Variants in PRPF8 observed in about 807,000 individuals in gnomAD.
The protein encoded by PRPF8 is pre-mRNA processing factor 8.
Under a neutral mutation model 285.9 loss-of-function variants are expected in PRPF8, and 64 were observed. The observed-to-expected ratio is 0.22, with a 90% CI of 0.18 to 0.28. The LOEUF (loss-of-function observed/expected upper bound fraction) is 0.28, where lower values mean the gene tolerates loss of function less well. Ranked by LOEUF, PRPF8 falls within the 10% of genes least tolerant of loss-of-function variation. PRPF8 has a pLI of 1.00. For synonymous variants in PRPF8, 1,325 were observed against 1,118.2 expected, an observed-to-expected ratio of 1.18 and a Z score of -3.69; for missense variants, 1,426 against 3,026.7, an observed-to-expected ratio of 0.47 and a Z score of 12.41.
At chr17:1,670,532 G>A (rs941309853) in intron 24 of PRPF8, among the ~76,000 whole-genome samples, 11 of 152,234 alleles carry the variant, frequency 7.2e-5, no homozygotes, top group African/African-American at 2.4e-4. Flanking sequence ...CTGTTGCCAG[G>A]CTGGAGTGCA....
rs1189702205 is a variant in PRPF8 at position 1,661,440 on chromosome 17, G to C, written c.4203-34C>G. The stretch of plus-strand genomic sequence containing the variant: ...AAAAGAAAGATTCAAGTCAAAACGT[G>C]ATCTCATATGAGGAGCTCAGCACTC... On this transcript the variant is annotated intron_variant, in intron 26 of 42. Transcript: ENST00000304992. This position sits in a 1 kb window ranked among gnomAD's most constrained non-coding sequence, Gnocchi z 7.3. The C allele has an allele frequency of 2.5e-6, 4 of 1,613,948 alleles. No individual in the cohort carries two copies. Among genetic ancestry groups the C allele is most frequent in the Non-Finnish European group, 3.4e-6 (4 of 1,180,026 alleles).
chr17:1,679,188 G>A lies in PRPF8; in HGVS notation c.1428C>T (p.Phe476=). 6.2e-7 allele frequency: 1 copy of A among 1,614,226 alleles called. No individual in the cohort carries two copies. The highest frequency in any genetic ancestry group is 8.5e-7 in the Non-Finnish European group (1 of 1,180,046). Reference sequence around the variant, plus strand: ...TGGACTGAAAGAATTTGGTGGCTTTGAAGGAGCGGAACAAATACCTGAGGT... The same window carrying A: ...TGGACTGAAAGAATTTGGTGGCTTTAAAGGAGCGGAACAAATACCTGAGGT... The part of the protein sequence containing the change: ...AQKKRYLFRS[F]KATKFFQSTK... Residue 476 remains phenylalanine (F), a synonymous_variant, in exon 11 of 43, where the codon TTC becomes TTT. Transcript: ENST00000304992. The surrounding 1 kb of genome is among the most constrained non-coding windows in gnomAD (Gnocchi z 4.7).
chr17:1,682,014 T>C lies in PRPF8; in HGVS notation c.459A>G (p.Arg153=). ...TGAAATGCCTCCTATCTCTTTTTTC[T>C]CGGCGCATCATAATCCACATTGACC... The part of the protein sequence containing the change: ...QWGSMWIMMR[R]EKRDRRHFKR... Residue 153 remains arginine (R), a synonymous_variant, in exon 5 of 43, where the codon CGA becomes CGG. Coordinates refer to ENST00000304992, the MANE Select transcript of PRPF8 (RefSeq NM_006445.4). The C allele has an allele frequency of 3.1e-6, 5 of 1,613,976 alleles. No homozygotes were observed. Among genetic ancestry groups the C allele is most frequent in the Non-Finnish European group, 4.2e-6 (5 of 1,180,008 alleles).
In PRPF8 at chr17:1,658,508, A is replaced by G. The variant is rs1911513668; in HGVS notation, c.5376+18T>C. 6.2e-7 allele frequency: 1 copy of G among 1,612,184 alleles called. No homozygotes were observed. The highest frequency in any genetic ancestry group is 8.5e-7 in the Non-Finnish European group (1 of 1,178,272). On this transcript the variant is annotated intron_variant, in intron 33 of 42. Coordinates refer to ENST00000304992, the MANE Select transcript of PRPF8 (RefSeq NM_006445.4). The surrounding 1 kb of genome is among the most constrained non-coding windows in gnomAD (Gnocchi z 4.1). ...CATGTACAGAGTCCCGCACCTATAC[A>G]CTGCTGCTAACACTCACCTTGTGAA...
At chr17:1,674,865 G>A (rs530724066) in intron 20 of PRPF8, among the ~76,000 whole-genome samples, 185 bp from the exon 21 acceptor site, 7 of 152,062 alleles carry the variant, frequency 4.6e-5, no homozygotes, top group East Asian at 3.9e-4. Context: ...TCCACTTCCC[G>A]GGTTCAAGTG....
intron 30 of PRPF8, 79 bp from the exon 31 acceptor site, chr17:1,660,080 G>C (rs1911597436): frequency 1.4e-6 from 2 of 1,468,216 alleles, no homozygotes; most frequent in Admixed American, 3.3e-5. Flanking sequence ...AGATAATGAG[G>C]CAATAGGAGT....
In PRPF8 at chr17:1,675,361, C is replaced by T; in HGVS notation, c.2873-22G>A. 1.2e-6 allele frequency: 2 copies of T among 1,613,756 alleles called. No homozygotes were observed. Among genetic ancestry groups the T allele is most frequent in the Non-Finnish European group, 1.7e-6 (2 of 1,179,820 alleles). ...ATGCCTGAGGAGTAGCAAGGCAGGTCTCCAGCAGGTTAGAAATCCTCTTGC... is the reference window on the plus strand; with the variant it reads ...ATGCCTGAGGAGTAGCAAGGCAGGTTTCCAGCAGGTTAGAAATCCTCTTGC... On this transcript the variant is annotated intron_variant, in intron 19 of 42. Coordinates refer to ENST00000304992, the MANE Select transcript of PRPF8 (RefSeq NM_006445.4). The surrounding 1 kb of genome is among the most constrained non-coding windows in gnomAD (Gnocchi z 6.0).
Position 1,684,586 on chromosome 17 carries a change from G to C in PRPF8, c.-11-4C>G. ...ACTCCGGCCATATCCGGAGAATCTG[G>C]GGAGCGGCGGGATAGAAAAATTCAC... On this transcript the variant is annotated splice_polypyrimidine_tract_variant and splice_region_variant and intron_variant, in intron 1 of 42. Coordinates refer to ENST00000304992, the MANE Select transcript of PRPF8 (RefSeq NM_006445.4). 2 of 1,611,890 alleles carry C rather than the reference G, an allele frequency of 1.2e-6. No individual in the cohort carries two copies. The highest frequency in any genetic ancestry group is 1.7e-6 in the Non-Finnish European group (2 of 1,179,558).
Position 1,679,554 on chromosome 17 carries a change from G to T in PRPF8, c.1289+55C>A. 1.2e-6 allele frequency: 2 copies of T among 1,604,918 alleles called. No homozygotes were observed. The stretch of plus-strand genomic sequence containing the variant: ...AAGGCTACATGCCCACCTAGTTGGA[G>T]TCTTTTCTCCTACACATCCACTATC... On this transcript the variant is annotated intron_variant, in intron 9 of 42. Coordinates refer to ENST00000304992, the MANE Select transcript of PRPF8 (RefSeq NM_006445.4). This position sits in a 1 kb window ranked among gnomAD's most constrained non-coding sequence, Gnocchi z 4.7.
chr17:1,674,346 A>G, intron 21 of PRPF8, 96 bp downstream of exon 21: 1 of 1,278,044 alleles, frequency 7.8e-7, no homozygotes, highest in Non-Finnish European at 1.1e-6. Context: ...TAAAGCCCCA[A>G]CAGCAGTTAA....
chr17:1,667,172 CA>C (rs59519986), intron 24 of PRPF8, among the ~76,000 whole-genome samples: 27,796 of 144,090 alleles, frequency 0.19, 5,358 homozygotes, highest in African/African-American at 0.5. Flanking sequence ...GACTCCCTCT[CA>C]AAAAAAAAAA....
Position 1,678,616 on chromosome 17 carries a change from CA to C in PRPF8, c.1755del (p.Gln587SerfsTer2). On this transcript the variant is annotated frameshift_variant, in exon 13 of 43. Transcript: ENST00000304992. LOFTEE classifies it high-confidence loss of function. Reference protein sequence around the residue: ...ADGLQYIFAHVGQLTGMYRYK... With the variant: ...ADGLQYIFAHXGQLTGMYRYK... ...TATCGATACATGCCCGTCAACTGCC[CA>C]ACATGGGCAAATATATACTGCAATC... 6.2e-7 allele frequency: 1 copy of C among 1,614,220 alleles called. No homozygotes were observed. The highest frequency in any genetic ancestry group is 8.5e-7 in the Non-Finnish European group (1 of 1,180,042).
rs200900604 is a variant in PRPF8 at position 1,660,447 on chromosome 17, A to G, written c.4770T>C (p.Val1590=). Residue 1590 remains valine, a synonymous_variant, in exon 30 of 43, where the codon GTT becomes GTC. Transcript: ENST00000304992. ...HLWQKIHESI[V]MDLCQVFDQE... ...TCCAGCCCACCTGACATAAGTCCAT[A>G]ACAATGCTCTCATGGATCTTCTGCC... is the stretch of plus-strand genomic sequence containing the variant. The G allele has an allele frequency of 3.8e-5, 62 of 1,614,184 alleles. No homozygotes were observed. The African/African-American group carries it at 7.2e-4, about 19-fold the overall frequency.
At position 1,659,570 on chromosome 17, in the gene PRPF8, G is replaced by A. The variant is rs1346380574; in HGVS notation, c.4947-22C>T. The A allele has an allele frequency of 1.2e-6, 2 of 1,610,728 alleles. No homozygotes were observed. The highest frequency in any genetic ancestry group is 1.7e-6 in the Non-Finnish European group (2 of 1,179,756). On this transcript the variant is annotated intron_variant, in intron 31 of 42. Coordinates refer to ENST00000304992, the MANE Select transcript of PRPF8 (RefSeq NM_006445.4). The surrounding 1 kb of genome is among the most constrained non-coding windows in gnomAD (Gnocchi z 5.1). ...ATCCCTGAGGATGAAGAGGGTTCAA[G>A]CTTCTAAGAAACCATGGGCATAACC...
intron 39 of PRPF8, among the ~76,000 whole-genome samples, chr17:1,652,341 CAA>C (rs1213996240): frequency 3.9e-5 from 6 of 152,130 alleles, no homozygotes; most frequent in Non-Finnish European, 8.8e-5. Flanking sequence ...TGGGTTCAAG[CAA>C]TTCTCCTGCC....
intron 6 of PRPF8, 107 bp from the exon 7 acceptor site, chr17:1,681,161 C>T: frequency 2.4e-6 from 3 of 1,255,286 alleles, no homozygotes; most frequent in South Asian, 1.2e-5. Flanking sequence ...TCACTGCAGC[C>T]GTGACCTCCT....
chr17:1,651,330 A>G lies in PRPF8; in HGVS notation c.6651-20T>C, dbSNP rs1911047367. On this transcript the variant is annotated intron_variant, in intron 41 of 42. Transcript: ENST00000304992. This position sits in a 1 kb window ranked among gnomAD's most constrained non-coding sequence, Gnocchi z 5.1. ...GTGAAGCTGGGGGAGGAACGAGGAC[A>G]GAGTAACAGCTCAGGCCACTGTTCT... 1 of 1,614,086 alleles carries G rather than the reference A, an allele frequency of 6.2e-7. No individual in the cohort carries two copies. Among genetic ancestry groups the G allele is most frequent in the Non-Finnish European group, 8.5e-7 (1 of 1,179,978 alleles).
chr17:1,672,818 TA>T lies in PRPF8; in HGVS notation c.3774+262del, dbSNP rs1282558338. Reference sequence around the variant, plus strand: ...AATAATGCTTTTCTGTTCAAAATAATAAATCCAACTTTTACTCTTGCCTTAA... The same window carrying T: ...AATAATGCTTTTCTGTTCAAAATAATAATCCAACTTTTACTCTTGCCTTAA... On this transcript the variant is annotated intron_variant, in intron 24 of 42. Coordinates refer to ENST00000304992, the MANE Select transcript of PRPF8 (RefSeq NM_006445.4). 1.2e-5 allele frequency: 7 copies of T among 573,554 alleles called. No homozygotes were observed. In the East Asian group the frequency reaches 2.0e-4, roughly 17 times the overall value. 35.5% of individuals were successfully genotyped at this position (573,554 alleles called of 1,614,324 possible).
chr17:1,678,560 C>G lies in PRPF8; in HGVS notation c.1812G>C (p.Met604Ile). 12 of 1,614,226 alleles carry G rather than the reference C, an allele frequency of 7.4e-6. No individual in the cohort carries two copies. The highest frequency in any genetic ancestry group is 1.0e-5 in the Non-Finnish European group (12 of 1,180,038). ...AGATGAGATGCTTCAGGTCCTTGCA[C>G]ATGCGAATCTGTCGCATCAGCTTGT... ...YKYKLMRQIR[M>I]CKDLKHLIYY... The change falls in exon 13 of 43, where the codon ATG (methionine) becomes ATC (isoleucine). Residue 604 changes from methionine to isoleucine, a missense_variant. Coordinates refer to ENST00000304992, the MANE Select transcript of PRPF8 (RefSeq NM_006445.4).
Sources: gnomAD v4.1 joint callset for allele counts (sites outside exome capture counted in the v4.1 genomes callset) on GRCh38, gnomAD v4.1.1 for gene constraint, Gnocchi (gnomAD v3.1) non-coding constraint, MANE v1.5 for transcripts, NCBI Gene and HGNC (gene_info 2026-07-23, HGNC 2026-07-21) for gene names.